Variants in COG5 observed in about 807,000 individuals in gnomAD.
COG5 encodes component of oligomeric golgi complex 5.
In COG5, 86 loss-of-function variants were observed where a neutral mutation model predicts 110.4. The observed-to-expected ratio is 0.78, with a 90% CI of 0.65 to 0.93. The LOEUF (loss-of-function observed/expected upper bound fraction) is 0.93, where lower values mean the gene tolerates loss of function less well. COG5 is among the 40% of genes least tolerant of loss of function. The pLI is 0.00. For synonymous variants in COG5, 360 were observed against 334.6 expected (o/e 1.08, Z -0.83); for missense variants, 1,077 against 987.0 (o/e 1.09, Z -1.22).
chr7:107,563,433 T>C (rs1804096624), intron 1 of COG5: 1 of 369,584 alleles, frequency 2.7e-6, no homozygotes, highest in African/African-American at 2.1e-5. Context: ...GCTTACACTT[T>C]TGAAGAGCTC....
intron 17 of COG5, among the ~76,000 whole-genome samples, chr7:107,241,337 T>C (rs971022697): frequency 1.1e-4 from 17 of 151,622 alleles, no homozygotes; most frequent in African/African-American, 1.7e-4. Context: ...CTATGTTATA[T>C]TGAGTTCCAA....
intron 6 of COG5, among the ~76,000 whole-genome samples, chr7:107,513,729 A>T (rs1336370329): frequency 2.6e-5 from 4 of 152,054 alleles, no homozygotes; most frequent in African/African-American, 4.8e-5. Flanking sequence ...TAAAAAATGA[A>T]GAGTTCATGT....
intron 21 of COG5, chr7:107,209,609 G>T (rs993126290): frequency 6.2e-6 from 1 of 162,206 alleles, no homozygotes; most frequent in South Asian, 2.0e-4. Flanking sequence ...GGAATGGCTA[G>T]AAGAAGATAA....
chr7:107,420,730 G>A (rs1563024552), intron 6 of COG5, among the ~76,000 whole-genome samples: 2 of 152,172 alleles, frequency 1.3e-5, no homozygotes, highest in African/African-American at 4.8e-5. Flanking sequence ...CAAAGTGCTG[G>A]GATTACAGGC....
At chr7:107,511,498 C>T (rs943195344) in intron 6 of COG5, among the ~76,000 whole-genome samples, 8 of 152,296 alleles carry the variant, frequency 5.3e-5, no homozygotes, top group African/African-American at 1.9e-4. Context: ...CCTTCTGAAA[C>T]TATTCCAATC....
At chr7:107,289,637 A>G (rs1049868894) in intron 12 of COG5, among the ~76,000 whole-genome samples, 2 of 152,188 alleles carry the variant, frequency 1.3e-5, no homozygotes, top group African/African-American at 4.8e-5. Flanking sequence ...ATTCATGAAG[A>G]TGAGATGCTT....
At chr7:107,416,434 T>A (rs1384755521) in intron 6 of COG5, among the ~76,000 whole-genome samples, 1 of 151,876 alleles carries the variant, frequency 6.6e-6, no homozygotes, top group Admixed American at 6.6e-5. Flanking sequence ...CTGAGAAACA[T>A]AAGACTAAAT....
intron 5 of COG5, among the ~76,000 whole-genome samples, chr7:107,536,697 T>G (rs1016315372): frequency 3.9e-5 from 6 of 152,120 alleles, no homozygotes; most frequent in African/African-American, 1.4e-4. Context: ...CCAAAATAAT[T>G]TATAGATTCA....
chr7:107,410,854 T>C (rs538904168), intron 7 of COG5, among the ~76,000 whole-genome samples: 1 of 152,086 alleles, frequency 6.6e-6, no homozygotes, highest in Non-Finnish European at 1.5e-5. Context: ...ACTGGAGACT[T>C]AGACCAAATG....
chr7:107,524,013 T>TA (rs773720246), intron 6 of COG5, among the ~76,000 whole-genome samples: 10 of 152,128 alleles, frequency 6.6e-5, no homozygotes, highest in Non-Finnish European at 1.3e-4. Flanking sequence ...TTTATAATAT[T>TA]AAAAAATTAG....
At chr7:107,290,660 T>C (rs1344148849) in intron 12 of COG5, among the ~76,000 whole-genome samples, 3 of 152,336 alleles carry the variant, frequency 2.0e-5, no homozygotes, top group East Asian at 1.9e-4. Context: ...GCCTTCATTT[T>C]TGAAAGGACA....
At chr7:107,555,815 C>A (rs529521346) in intron 2 of COG5, among the ~76,000 whole-genome samples, 4 of 152,100 alleles carry the variant, frequency 2.6e-5, no homozygotes, top group African/African-American at 9.6e-5. Context: ...AGTTTGAGAC[C>A]AGCCTGGCCA....
At position 107,298,272 on chromosome 7, in the gene COG5, G is replaced by A. The variant is rs376754542; in HGVS notation, c.1183C>T (p.Arg395Cys). The A allele has an allele frequency of 3.5e-5, 56 of 1,613,082 alleles. No individual in the cohort carries two copies. Among genetic ancestry groups the A allele is most frequent in the Non-Finnish European group, 4.6e-5 (54 of 1,179,432 alleles). ...LLRLYNDLWK[R>C]LQQYSQHIQG... is the part of the protein sequence containing the mutation. ...ATATGCTGACTGTATTGTTGAAGAC[G>A]CTTCCATAAGTCATTATAAAGACGT... The change falls in exon 12 of 22, where the codon CGT (arginine) becomes TGT (cysteine). Residue 395 changes from arginine (R) to cysteine (C), a missense_variant. By Grantham distance (180) the Arg-to-Cys change is radical. Transcript: ENST00000297135.
At chr7:107,524,115 T>C (rs1205036340) in intron 6 of COG5, among the ~76,000 whole-genome samples, 1 of 152,204 alleles carries the variant, frequency 6.6e-6, no homozygotes, top group East Asian at 1.9e-4. Context: ...GCAAAGGTAT[T>C]AATACACACA....
At chr7:107,337,500 G>C (rs139150719) in intron 10 of COG5, among the ~76,000 whole-genome samples, 2 of 152,276 alleles carry the variant, frequency 1.3e-5, no homozygotes, top group African/African-American at 2.4e-5. Flanking sequence ...AATGCTGATG[G>C]AACTGCAAGT....
At chr7:107,249,496 G>A (rs1399813132) in intron 16 of COG5, among the ~76,000 whole-genome samples, 1 of 151,772 alleles carries the variant, frequency 6.6e-6, no homozygotes, top group East Asian at 1.9e-4. Context: ...TAATGACTGA[G>A]GCTCAAAACA....
At chr7:107,228,307 A>C (rs1387653040) in intron 19 of COG5, among the ~76,000 whole-genome samples, 1 of 90,008 alleles carries the variant, frequency 1.1e-5, no homozygotes, top group African/African-American at 4.5e-5. Context: ...ACCCGGTCTC[A>C]AAAAAAAAAA....
intron 7 of COG5, among the ~76,000 whole-genome samples, chr7:107,404,523 G>A (rs554740574): frequency 9.0e-4 from 137 of 152,164 alleles, no homozygotes; most frequent in Middle Eastern, 3.4e-3. Flanking sequence ...AACAGGGAGC[G>A]TGAAGCATAT....
chr7:107,489,586 T>C (rs190131293), intron 6 of COG5, among the ~76,000 whole-genome samples: 20 of 152,214 alleles, frequency 1.3e-4, no homozygotes, highest in Admixed American at 2.6e-4. Context: ...AGTTCACCCA[T>C]TGTTAAAAAA....
Sources: allele counts gnomAD v4.1 joint callset (sites outside exome capture counted in the v4.1 genomes callset), GRCh38; gene constraint gnomAD v4.1.1; transcripts MANE v1.5; gene names NCBI Gene and HGNC (gene_info 2026-07-23, HGNC 2026-07-21).